The following ANKIB1 variants were observed in gnomAD, a reference collection of about 807,000 sequenced individuals.
ANKIB1 encodes the protein ankyrin repeat and IBR domain containing 1, also known as ankyrin repeat and IBR domain-containing protein 1.
In ANKIB1, 43 loss-of-function variants were observed where a neutral mutation model predicts 122.1. The ratio of observed to expected loss-of-function variants is 0.35; its 90% CI spans 0.28 to 0.45. The LOEUF (loss-of-function observed/expected upper bound fraction) is 0.45, where lower values mean the gene tolerates loss of function less well. Ranked by LOEUF, ANKIB1 falls within the 20% of genes least tolerant of loss-of-function variation. The pLI is 1.00. For missense variants in ANKIB1, 992 were observed against 1,329.5 expected (o/e 0.75, Z 3.95); for synonymous variants, 390 against 442.0 (o/e 0.88, Z 1.48).
intron 2 of ANKIB1, among the ~76,000 whole-genome samples, chr7:92,297,289 C>T (rs1444669478): frequency 6.6e-6 from 1 of 152,120 alleles, no homozygotes; most frequent in African/African-American, 2.4e-5. Flanking sequence ...TTTCTATAGT[C>T]GTATCAGCTT....
intron 1 of ANKIB1, among the ~76,000 whole-genome samples, chr7:92,255,111 A>G (rs1171521425): frequency 2.6e-5 from 4 of 152,228 alleles, no homozygotes; most frequent in Admixed American, 1.3e-4. Flanking sequence ...GTGGAACCAT[A>G]GGTCTATTAA....
chr7:92,344,527 G>T (rs899423527), intron 6 of ANKIB1, among the ~76,000 whole-genome samples: 11 of 152,016 alleles, frequency 7.2e-5, no homozygotes, highest in African/African-American at 2.2e-4. Flanking sequence ...TTATAGCAGG[G>T]TTCTCTCCCT....
In ANKIB1 at chr7:92,387,787, T is replaced by G. The variant is rs556096122; in HGVS notation, c.1753-11T>G. The G allele has an allele frequency of 2.5e-6, 4 of 1,597,424 alleles. No homozygotes were observed. The African/African-American group carries it at 5.4e-5, about 22-fold the overall frequency. ...TTTTATAAAAGTCATTTGTGGACTTTTGTTTTCTAGGCTGAGAAAAAACAC... is the reference window on the plus strand; with the variant it reads ...TTTTATAAAAGTCATTTGTGGACTTGTGTTTTCTAGGCTGAGAAAAAACAC... On this transcript the variant is annotated splice_polypyrimidine_tract_variant and intron_variant, in intron 12 of 19. Coordinates refer to ENST00000265742, the MANE Select transcript of ANKIB1 (RefSeq NM_019004.2).
chr7:92,356,368 C>G (rs1230187338), intron 9 of ANKIB1, among the ~76,000 whole-genome samples: 2 of 152,154 alleles, frequency 1.3e-5, no homozygotes, highest in Non-Finnish European at 2.9e-5. Flanking sequence ...TTGGCAGTAT[C>G]TAGCTATTTA....
At chr7:92,380,462 C>G (rs779698684) in intron 11 of ANKIB1, among the ~76,000 whole-genome samples, 2 of 152,202 alleles carry the variant, frequency 1.3e-5, no homozygotes, top group Non-Finnish European at 2.9e-5. Context: ...TGTAGCCTAA[C>G]TTGGAGACAC....
intron 3 of ANKIB1, among the ~76,000 whole-genome samples, chr7:92,317,404 G>T (rs974203914): frequency 1.3e-5 from 2 of 152,148 alleles, no homozygotes; most frequent in African/African-American, 2.4e-5. Context: ...GCAGTAAAAA[G>T]GTTCTAGGTG....
At chr7:92,321,229 T>G (rs1451774888) in intron 4 of ANKIB1, among the ~76,000 whole-genome samples, 1 of 152,116 alleles carries the variant, frequency 6.6e-6, no homozygotes, top group Admixed American at 6.6e-5. Flanking sequence ...AATTAACATA[T>G]CCATCCCTAA....
intron 7 of ANKIB1, among the ~76,000 whole-genome samples, chr7:92,345,985 A>G (rs1803530928): frequency 6.6e-6 from 1 of 152,168 alleles, no homozygotes; most frequent in African/African-American, 2.4e-5. Flanking sequence ...ATATCTATAT[A>G]CAAGCTTGAA....
chr7:92,365,788 CTTTTTT>C (rs59131137), intron 10 of ANKIB1, among the ~76,000 whole-genome samples: 4 of 58,296 alleles, frequency 6.9e-5, no homozygotes, highest in Admixed American at 5.6e-4. Context: ...ATTAAATAAT[CTTTTTT>C]TTTTTTTTTT....
intron 5 of ANKIB1, among the ~76,000 whole-genome samples, chr7:92,341,426 G>A (rs1304820917): frequency 1.3e-5 from 2 of 151,050 alleles, no homozygotes; most frequent in Non-Finnish European, 2.9e-5. Flanking sequence ...TTATACCAAG[G>A]AAATACCAAT....
chr7:92,290,751 T>C (rs1802229247), intron 1 of ANKIB1, among the ~76,000 whole-genome samples: 1 of 152,170 alleles, frequency 6.6e-6, no homozygotes, highest in Non-Finnish European at 1.5e-5. Context: ...AACCTATCAA[T>C]GGTGCAGTTG....
chr7:92,298,376 A>G (rs1802397105), intron 2 of ANKIB1, among the ~76,000 whole-genome samples: 1 of 151,994 alleles, frequency 6.6e-6, no homozygotes, highest in African/African-American at 2.4e-5. Context: ...TATAATACCA[A>G]TATAAAATGT....
At chr7:92,307,201 A>C (rs752990531) in intron 2 of ANKIB1, among the ~76,000 whole-genome samples, 158 bp from the exon 3 acceptor site, 2 of 152,148 alleles carry the variant, frequency 1.3e-5, no homozygotes, top group Non-Finnish European at 2.9e-5. Flanking sequence ...TAAAACTAAG[A>C]ATTAGTCATT....
intron 4 of ANKIB1, among the ~76,000 whole-genome samples, chr7:92,322,576 A>G (rs900905259): frequency 4.6e-5 from 7 of 152,136 alleles, no homozygotes; most frequent in Non-Finnish European, 1.0e-4. Flanking sequence ...TAAGTGTACT[A>G]CCAGACTTAA....
rs537287348 is a variant in ANKIB1, at chr7:92,299,564, AT to A, written c.188+4402del. Among the ~76,000 whole-genome samples the A allele has an allele frequency of 2.4e-3, 360 of 152,246 alleles. 2 individuals are homozygous for A. The highest frequency in any genetic ancestry group is 8.1e-3 in the African/African-American group (338 of 41,568). Reference sequence around the variant, plus strand: ...ACTTTCCTAACTATATAAAGGCTGGATTTTCTTTATATAGTTAAATCAAAAC... The same window carrying A: ...ACTTTCCTAACTATATAAAGGCTGGATTTCTTTATATAGTTAAATCAAAAC... On this transcript the variant is annotated intron_variant, in intron 2 of 19. Coordinates refer to ENST00000265742, the MANE Select transcript of ANKIB1 (RefSeq NM_019004.2).
chr7:92,253,029 A>G (rs900966970), intron 1 of ANKIB1, among the ~76,000 whole-genome samples: 4 of 152,104 alleles, frequency 2.6e-5, no homozygotes, highest in African/African-American at 7.2e-5. Context: ...GAATTAGGAC[A>G]CTTGTATATG....
intron 3 of ANKIB1, 96 bp from the exon 4 acceptor site, chr7:92,319,234 T>C: frequency 2.6e-6 from 2 of 778,178 alleles, no homozygotes; most frequent in Non-Finnish European, 4.0e-6. Context: ...GCATTTTTGT[T>C]GTGTTAATTT....
intron 3 of ANKIB1, among the ~76,000 whole-genome samples, chr7:92,308,791 A>G (rs1802624496): frequency 6.6e-6 from 1 of 152,144 alleles, no homozygotes; most frequent in African/African-American, 2.4e-5. Context: ...CCATCCTTAC[A>G]TATCTCATAG....
intron 7 of ANKIB1, among the ~76,000 whole-genome samples, chr7:92,347,321 C>T (rs763388081): frequency 2.6e-5 from 4 of 151,992 alleles, no homozygotes; most frequent in Non-Finnish European, 5.9e-5. Flanking sequence ...GTTTTAAGCT[C>T]ATCAGCTGTC....
Sources: allele counts gnomAD v4.1 joint callset (sites outside exome capture counted in the v4.1 genomes callset), GRCh38; gene constraint gnomAD v4.1.1; transcripts MANE v1.5; gene names NCBI Gene and HGNC (gene_info 2026-07-23, HGNC 2026-07-21).